The following MYT1 variants were observed in gnomAD, a reference collection of about 807,000 sequenced individuals.
MYT1 encodes myelin transcription factor I.
Under a neutral mutation model 123.0 loss-of-function variants are expected in MYT1, and 23 were observed. That is an observed-to-expected ratio of 0.19 (90% CI 0.13 to 0.26). MYT1 has a LOEUF of 0.26. Among genes scored for constraint, MYT1 ranks in the 10% least tolerant of loss-of-function variants. The pLI, the probability that MYT1 is intolerant of heterozygous loss-of-function variation, is 1.00. For missense variants in MYT1, 1,125 were observed against 1,472.5 expected (o/e 0.76, Z 3.86); for synonymous variants, 518 against 575.3 (o/e 0.90, Z 1.43).
intron 4 of MYT1, among the ~76,000 whole-genome samples, chr20:64,200,360 C>G (rs1347508870): frequency 6.6e-6 from 1 of 152,190 alleles, no homozygotes; most frequent in African/African-American, 2.4e-5. Context: ...AACAGCAGTT[C>G]TGTGTGCTGA....
intron 1 of MYT1, among the ~76,000 whole-genome samples, chr20:64,170,902 G>T (rs1417178333): frequency 1.1e-3 from 127 of 115,282 alleles, no homozygotes; most frequent in African/African-American, 1.7e-3. Context: ...GAGAGAGAGA[G>T]AGAGAGAGAG....
intron 21 of MYT1, among the ~76,000 whole-genome samples, chr20:64,237,932 T>G (rs1984600695): frequency 6.6e-6 from 1 of 152,226 alleles, no homozygotes; most frequent in South Asian, 2.1e-4. Flanking sequence ...AATAGGATTC[T>G]ACTCCAGCCA....
In MYT1 at chr20:64,240,599, T is replaced by A; in HGVS notation, c.*151T>A. 4 of 1,150,236 alleles carry A rather than the reference T, an allele frequency of 3.5e-6. No homozygotes were observed. Among genetic ancestry groups the A allele is most frequent in the Non-Finnish European group, 4.7e-6 (4 of 846,012 alleles). The allele number at this position is 1,150,236 out of a possible 1,614,324, so 71.3% of individuals were successfully genotyped here. A position where few individuals can be genotyped will look rare whatever the true frequency, so the allele number is the denominator to read the frequency against. On this transcript the variant is annotated 3_prime_UTR_variant, in exon 23 of 23. Transcript: ENST00000328439. The stretch of plus-strand genomic sequence containing the variant: ...TTTATCCAAAGGGATGGCTGGAAAT[T>A]GGCCGCTCCCACGAGGCTCCCTCCA...
At chr20:64,223,236 C>T (rs1984064127) in intron 15 of MYT1, 55 bp from the exon 16 acceptor site, 2 of 1,613,246 alleles carry the variant, frequency 1.2e-6, no homozygotes, top group Admixed American at 1.7e-5. Flanking sequence ...CTCCTCTCCT[C>T]CTCCTCTGCT....
At chr20:64,176,668 G>C (rs1020063223) in intron 1 of MYT1, among the ~76,000 whole-genome samples, 1 of 152,272 alleles carries the variant, frequency 6.6e-6, no homozygotes, top group Non-Finnish European at 1.5e-5. Context: ...GTGTGTCTGC[G>C]TGGAGCAGTG....
chr20:64,223,677 T>G (rs1264607210), intron 16 of MYT1, among the ~76,000 whole-genome samples: 1 of 152,166 alleles, frequency 6.6e-6, no homozygotes, highest in Non-Finnish European at 1.5e-5. Context: ...CAGGGCTGTC[T>G]GGGCCTGCTT....
chr20:64,177,794 C>G (rs1355319630), intron 1 of MYT1, among the ~76,000 whole-genome samples: 1 of 152,172 alleles, frequency 6.6e-6, no homozygotes, highest in Non-Finnish European at 1.5e-5. Flanking sequence ...CCCCTCAGCC[C>G]CATGGGACCC....
In MYT1 at chr20:64,166,739, A is replaced by G. The variant is rs1982094306; in HGVS notation, c.-99+2000A>G. On this transcript the variant is annotated intron_variant, in intron 1 of 22. Coordinates refer to ENST00000328439, the MANE Select transcript of MYT1 (RefSeq NM_004535.3). The surrounding 1 kb of genome is among the most constrained non-coding windows in gnomAD (Gnocchi z 4.9). ...GCCCCTGGTGCATGAGTGGGGAAAC[A>G]CTCTCTGAGATGACCCCTTCTAGCC... Among the ~76,000 whole-genome samples, 2 of 151,668 alleles carry G rather than the reference A, an allele frequency of 1.3e-5. No homozygotes were observed. Among genetic ancestry groups the G allele is most frequent in the African/African-American group, 4.8e-5 (2 of 41,238 alleles).
At chr20:64,230,043 G>A (rs1984274861) in intron 18 of MYT1, among the ~76,000 whole-genome samples, 2 of 152,084 alleles carry the variant, frequency 1.3e-5, no homozygotes, top group South Asian at 2.1e-4. Flanking sequence ...TGCCCCCACC[G>A]CCCCAGCACC....
intron 21 of MYT1, among the ~76,000 whole-genome samples, chr20:64,239,285 G>A (rs1343250672): frequency 2.0e-5 from 3 of 152,208 alleles, no homozygotes; most frequent in African/African-American, 7.2e-5. Flanking sequence ...CCCAAAGGCA[G>A]TCTGACACTC....
intron 4 of MYT1, among the ~76,000 whole-genome samples, chr20:64,200,317 T>C (rs1983259727): frequency 6.6e-6 from 1 of 152,246 alleles, no homozygotes; most frequent in African/African-American, 2.4e-5. Context: ...AGGGGTCTTC[T>C]ACATCCTGAG....
In MYT1 at chr20:64,203,721, G is replaced by C. The variant is rs999335820; in HGVS notation, c.87-1314G>C. ...GCTGACGGTTCTCCCAGAGGTAGTCGGGGAGGGTGGCCTGCAAGCCCACTG... is the reference window on the plus strand; with the variant it reads ...GCTGACGGTTCTCCCAGAGGTAGTCCGGGAGGGTGGCCTGCAAGCCCACTG... On this transcript the variant is annotated intron_variant, in intron 4 of 22. Transcript: ENST00000328439. This position sits in a 1 kb window ranked among gnomAD's most constrained non-coding sequence, Gnocchi z 5.1. Among the ~76,000 whole-genome samples, 2 of 152,206 alleles carry C rather than the reference G, an allele frequency of 1.3e-5. No individual in the cohort carries two copies. The highest frequency in any genetic ancestry group is 2.9e-5 in the Non-Finnish European group (2 of 68,034).
rs1240970174 is a variant in MYT1 at position 64,188,667 on chromosome 20, T to C, written c.-98-1396T>C. On this transcript the variant is annotated intron_variant, in intron 1 of 22. Transcript: ENST00000328439. ...CACATCCCTGTCACAGAGTTGAGAA[T>C]TGGATTACCTGGTGGGCAGGTGGGC... Among the ~76,000 whole-genome samples, 5 of 152,190 alleles carry C rather than the reference T, an allele frequency of 3.3e-5. No individual in the cohort carries two copies. In the East Asian group the frequency reaches 5.8e-4, roughly 18 times the overall value.
At chr20:64,239,298 CG>C (rs528579993) in intron 21 of MYT1, among the ~76,000 whole-genome samples, 2 of 152,046 alleles carry the variant, frequency 1.3e-5, no homozygotes, top group African/African-American at 2.4e-5. Flanking sequence ...TGACACTCCA[CG>C]GGGGGGTGCA....
In MYT1 at chr20:64,218,053, A is replaced by G. The variant is rs1568715073; in HGVS notation, c.1846+772A>G. On this transcript the variant is annotated intron_variant, in intron 11 of 22. Transcript: ENST00000328439. This position sits in a 1 kb window ranked among gnomAD's most constrained non-coding sequence, Gnocchi z 4.0. ...AAACATGACGTGACGAGTTTCCTAC[A>G]TGAGAATAATAAAAGTACTGATTGA... is the stretch of plus-strand genomic sequence containing the variant. Among the ~76,000 whole-genome samples the G allele has an allele frequency of 6.6e-6, 1 of 152,322 alleles. No individual in the cohort carries two copies. Among genetic ancestry groups the G allele is most frequent in the East Asian group, 1.9e-4 (1 of 5,188 alleles).
chr20:64,225,786 C>G (rs1387789453), intron 16 of MYT1, among the ~76,000 whole-genome samples: 2 of 152,172 alleles, frequency 1.3e-5, no homozygotes, highest in African/African-American at 4.8e-5. Flanking sequence ...TATGTGAGTA[C>G]TTTCCTCTCT....
At position 64,169,985 on chromosome 20, in the gene MYT1, G is replaced by A. The variant is rs1046698645; in HGVS notation, c.-99+5246G>A. On this transcript the variant is annotated intron_variant, in intron 1 of 22. Coordinates refer to ENST00000328439, the MANE Select transcript of MYT1 (RefSeq NM_004535.3). ...CCCAGCCCCACCCAGCCTTCCTGCC[G>A]AGTGCCCCAGGCTGCCATGGAGGCT... is the stretch of plus-strand genomic sequence containing the variant. 5.7e-5 allele frequency among the ~76,000 whole-genome samples: 8 copies of A among 140,264 alleles called. No homozygotes were observed. The East Asian group carries it at 1.8e-3, about 31-fold the overall frequency. The allele number at this position is 140,264 out of a possible 152,430, so 92.0% of individuals were successfully genotyped here.
rs111558973 is a variant in MYT1, at chr20:64,171,133, G to A, written c.-99+6394G>A. Among the ~76,000 whole-genome samples, 1,017 of 151,540 alleles carry A rather than the reference G, an allele frequency of 6.7e-3. 17 individuals are homozygous for A. Among genetic ancestry groups the A allele is most frequent in the African/African-American group, 0.024 (974 of 41,284 alleles). On this transcript the variant is annotated intron_variant, in intron 1 of 22. Coordinates refer to ENST00000328439, the MANE Select transcript of MYT1 (RefSeq NM_004535.3). Reference sequence around the variant, plus strand: ...GGGGTTTTGCCATGTTGGCGAGGCTGGTCTTGAACTCCTGACCTCAGGTGA... The same window carrying A: ...GGGGTTTTGCCATGTTGGCGAGGCTAGTCTTGAACTCCTGACCTCAGGTGA...
In MYT1 at chr20:64,232,667, A is replaced by G. The variant is rs909241550; in HGVS notation, c.2897+282A>G. Reference sequence around the variant, plus strand: ...TGGCTGGGTGTTATGCTGGACACAGAGGCCACACATGAGCAGAGCCCTGGG... The same window carrying G: ...TGGCTGGGTGTTATGCTGGACACAGGGGCCACACATGAGCAGAGCCCTGGG... On this transcript the variant is annotated intron_variant, in intron 19 of 22. Coordinates refer to ENST00000328439, the MANE Select transcript of MYT1 (RefSeq NM_004535.3). The surrounding 1 kb of genome is among the most constrained non-coding windows in gnomAD (Gnocchi z 6.9). Among the ~76,000 whole-genome samples the G allele has an allele frequency of 6.6e-6, 1 of 152,116 alleles. No homozygotes were observed. The highest frequency in any genetic ancestry group is 2.4e-5 in the African/African-American group (1 of 41,396).
Sources: gnomAD v4.1 joint callset for allele counts (sites outside exome capture counted in the v4.1 genomes callset) on GRCh38, gnomAD v4.1.1 for gene constraint, Gnocchi (gnomAD v3.1) non-coding constraint, MANE v1.5 for transcripts, NCBI Gene and HGNC (gene_info 2026-07-23, HGNC 2026-07-21) for gene names.